The following NECAB1 variants were observed in gnomAD, a reference collection of about 807,000 sequenced individuals.
The protein encoded by NECAB1 is N-terminal EF-hand calcium-binding protein 1.
Under a neutral mutation model 57.5 loss-of-function variants are expected in NECAB1, and 29 were observed. The ratio of observed to expected loss-of-function variants is 0.50; its 90% CI spans 0.38 to 0.69. The LOEUF (loss-of-function observed/expected upper bound fraction) is 0.69. Ranked by LOEUF, NECAB1 falls within the 30% of genes least tolerant of loss-of-function variation. The pLI is 0.00. For missense variants in NECAB1, 372 were observed against 413.8 expected (o/e 0.90, Z 0.88); for synonymous variants, 142 against 147.7 (o/e 0.96, Z 0.28).
chr8:90,834,724 A>G (rs1275702317), intron 3 of NECAB1, among the ~76,000 whole-genome samples: 1 of 152,216 alleles, frequency 6.6e-6, no homozygotes, highest in African/African-American at 2.4e-5. Flanking sequence ...ATAGAAAATT[A>G]GAAGAAAGAG....
intron 1 of NECAB1, among the ~76,000 whole-genome samples, chr8:90,801,053 A>G (rs1811749598): frequency 6.6e-6 from 1 of 152,098 alleles, no homozygotes; most frequent in African/African-American, 2.4e-5. Context: ...ACATGTGGTT[A>G]CTCTTTACCC....
chr8:90,903,730 T>G (rs1027771857), intron 5 of NECAB1: 5 of 152,178 alleles, frequency 3.3e-5, no homozygotes, highest in Non-Finnish European at 7.3e-5. Flanking sequence ...ATAGAATATA[T>G]TTTTACATTT....
intron 4 of NECAB1, 109 bp downstream of exon 4, chr8:90,872,262 C>A: frequency 2.3e-6 from 2 of 882,322 alleles, no homozygotes; most frequent in African/African-American, 1.8e-5. Flanking sequence ...TAGGAGTTCA[C>A]AAAGGAAAAA....
intron 4 of NECAB1, among the ~76,000 whole-genome samples, chr8:90,879,101 T>C (rs1352769407): frequency 7.0e-6 from 1 of 143,592 alleles, no homozygotes; most frequent in Non-Finnish European, 1.5e-5. Context: ...ATATATAATA[T>C]AGGTATCTAT....
chr8:90,907,151 T>TGAGAGAGAGAGAGA (rs71266152), intron 5 of NECAB1, among the ~76,000 whole-genome samples: 11 of 102,032 alleles, frequency 1.1e-4, no homozygotes, highest in Admixed American at 5.6e-4. Flanking sequence ...TGTGTGTGTG[T>TGAGAGAGAGAGAGA]GAGAGAGAGA....
At chr8:90,899,997 A>G (rs1368348000) in intron 5 of NECAB1, among the ~76,000 whole-genome samples, 1 of 152,160 alleles carries the variant, frequency 6.6e-6, no homozygotes, top group East Asian at 1.9e-4. Flanking sequence ...TAAAACAACA[A>G]TGAGCACTCA....
intron 10 of NECAB1, 56 bp downstream of exon 10, chr8:90,940,954 G>C (rs1190717706): frequency 7.7e-7 from 1 of 1,302,514 alleles, no homozygotes; most frequent in African/African-American, 1.5e-5. Context: ...ATACAGTGAA[G>C]GCATTTCTTA....
At chr8:90,826,133 A>G (rs558682258) in intron 3 of NECAB1, among the ~76,000 whole-genome samples, 1 of 152,006 alleles carries the variant, frequency 6.6e-6, no homozygotes, top group Admixed American at 6.6e-5. Flanking sequence ...GGAGAAGAAT[A>G]TTCTAATCAG....
At chr8:90,894,599 T>C in intron 5 of NECAB1, among the ~76,000 whole-genome samples, 1 of 152,198 alleles carries the variant, frequency 6.6e-6, no homozygotes, top group Middle Eastern at 3.2e-3. Flanking sequence ...ATAGGCACAA[T>C]ATAGGCATAA....
intron 5 of NECAB1, among the ~76,000 whole-genome samples, chr8:90,896,064 A>T (rs1165899544): frequency 6.6e-6 from 1 of 152,186 alleles, no homozygotes; most frequent in Admixed American, 6.5e-5. Flanking sequence ...CACCCGTAAT[A>T]GGTATACTTA....
intron 5 of NECAB1, among the ~76,000 whole-genome samples, chr8:90,890,693 T>C (rs1040158211): frequency 6.6e-6 from 1 of 152,204 alleles, no homozygotes; most frequent in African/African-American, 2.4e-5. Context: ...ATTTTTAAAC[T>C]ATCAGCTTTC....
intron 5 of NECAB1, among the ~76,000 whole-genome samples, chr8:90,915,581 T>C (rs1166746717): frequency 6.6e-6 from 1 of 152,188 alleles, no homozygotes; most frequent in Non-Finnish European, 1.5e-5. Context: ...TGGTCAGGGT[T>C]CTCTAGAGGG....
chr8:90,909,544 T>A (rs995852524), intron 5 of NECAB1, among the ~76,000 whole-genome samples: 1 of 152,142 alleles, frequency 6.6e-6, no homozygotes, highest in African/African-American at 2.4e-5. Context: ...GGGGACCGTT[T>A]ATACTTAAAA....
chr8:90,817,826 A>G (rs956273424), intron 2 of NECAB1, among the ~76,000 whole-genome samples: 1 of 151,886 alleles, frequency 6.6e-6, no homozygotes, highest in African/African-American at 2.4e-5. Context: ...GCTTCATAGA[A>G]TGAATTAGGG....
intron 5 of NECAB1, among the ~76,000 whole-genome samples, chr8:90,898,108 T>A (rs926429367): frequency 1.3e-5 from 2 of 152,186 alleles, no homozygotes; most frequent in Admixed American, 1.3e-4. Flanking sequence ...ATAGAACATC[T>A]CTGTAATCAA....
intron 2 of NECAB1, among the ~76,000 whole-genome samples, chr8:90,807,782 G>A (rs1811877386): frequency 6.6e-6 from 1 of 152,112 alleles, no homozygotes; most frequent in African/African-American, 2.4e-5. Flanking sequence ...GTACTCATAT[G>A]TTAACTCTCA....
At chr8:90,795,332 T>C (rs1029518317) in intron 1 of NECAB1, among the ~76,000 whole-genome samples, 2 of 152,170 alleles carry the variant, frequency 1.3e-5, no homozygotes, top group Admixed American at 6.5e-5. Context: ...TCCTTTCCCA[T>C]CAGTTTTCCT....
chr8:90,861,715 G>A (rs991144085), intron 3 of NECAB1, among the ~76,000 whole-genome samples: 5 of 152,108 alleles, frequency 3.3e-5, no homozygotes, highest in Non-Finnish European at 5.9e-5. Context: ...CACAAACAAT[G>A]TTGTGAAAAA....
chr8:90,852,563 TA>T (rs1192129592), intron 3 of NECAB1, among the ~76,000 whole-genome samples: 2 of 152,092 alleles, frequency 1.3e-5, no homozygotes, highest in Admixed American at 1.3e-4. Flanking sequence ...TGCCTTTTCC[TA>T]AACCACCCAT....
Sources: gnomAD v4.1 joint callset for allele counts (sites outside exome capture counted in the v4.1 genomes callset) on GRCh38, gnomAD v4.1.1 for gene constraint, MANE v1.5 for transcripts, NCBI Gene and HGNC (gene_info 2026-07-23, HGNC 2026-07-21) for gene names.